The following PAFAH1B1 variants were observed in gnomAD, a reference collection of about 807,000 sequenced individuals.
PAFAH1B1 encodes platelet-activating factor acetylhydrolase IB subunit beta.
Under a neutral mutation model 57.5 loss-of-function variants are expected in PAFAH1B1, and 2 were observed. That is an observed-to-expected ratio of 0.03 (90% CI 0.01 to 0.11). The LOEUF is 0.11. PAFAH1B1 is among the 10% of genes least tolerant of loss of function. The pLI is 1.00. For synonymous variants in PAFAH1B1, 152 were observed against 169.6 expected, an observed-to-expected ratio of 0.90 and a Z score of 0.81; for missense variants, 257 against 512.0, an observed-to-expected ratio of 0.50 and a Z score of 4.81.
At chr17:2,620,050 T>C (rs1159182449) in intron 1 of PAFAH1B1, among the ~76,000 whole-genome samples, 2 of 152,184 alleles carry the variant, frequency 1.3e-5, no homozygotes, top group African/African-American at 4.8e-5. Flanking sequence ...CCTGGCCTCT[T>C]TGTAATATGC....
At chr17:2,656,097 T>C (rs1172875906) in intron 2 of PAFAH1B1, among the ~76,000 whole-genome samples, 1 of 152,074 alleles carries the variant, frequency 6.6e-6, no homozygotes. Context: ...TAATTTTTTT[T>C]GTATTTTTAG....
At chr17:2,661,164 T>TG (rs2069008507) in intron 2 of PAFAH1B1, among the ~76,000 whole-genome samples, 1 of 152,200 alleles carries the variant, frequency 6.6e-6, no homozygotes, top group Admixed American at 6.6e-5. Flanking sequence ...CAGAAACTCT[T>TG]GAGTTTAATT....
intron 1 of PAFAH1B1, among the ~76,000 whole-genome samples, chr17:2,595,927 G>C (rs2068080234): frequency 6.6e-6 from 1 of 152,186 alleles, no homozygotes. Context: ...GAGCCGAGAA[G>C]ACTGGGTGGA....
intron 10 of PAFAH1B1, among the ~76,000 whole-genome samples, chr17:2,680,682 G>T (rs4790355): frequency 0.81 from 123,084 of 152,098 alleles, 52,190 homozygotes; most frequent in East Asian, 0.93. Context: ...TATACTATCA[G>T]ATACTAGAAA....
intron 1 of PAFAH1B1, among the ~76,000 whole-genome samples, chr17:2,608,654 C>T (rs765730344): frequency 2.6e-5 from 4 of 152,102 alleles, no homozygotes; most frequent in African/African-American, 4.8e-5. Flanking sequence ...ACAAATTAAC[C>T]GGATGTGGTG....
chr17:2,630,586 C>T (rs2098241534), intron 1 of PAFAH1B1, among the ~76,000 whole-genome samples: 1 of 152,110 alleles, frequency 6.6e-6, no homozygotes, highest in Non-Finnish European at 1.5e-5. Context: ...GACAGTGTGC[C>T]TAGTGAAGAT....
chr17:2,649,506 G>C (rs1361937429), intron 2 of PAFAH1B1, among the ~76,000 whole-genome samples: 1 of 151,574 alleles, frequency 6.6e-6, no homozygotes, highest in African/African-American at 2.4e-5. Context: ...CCTGGGAGGC[G>C]GGGAGGTTGC....
In PAFAH1B1 at chr17:2,681,748, C is replaced by G; in HGVS notation, c.1179C>G (p.Pro393=). 6.2e-7 allele frequency: 1 copy of G among 1,612,952 alleles called. No homozygotes were observed. The highest frequency in any genetic ancestry group is 8.5e-7 in the Non-Finnish European group (1 of 1,179,694). The change falls in exon 11 of 11, where the codon CCC becomes CCG. Residue 393 remains proline (P), a synonymous_variant. Transcript: ENST00000397195. ...VTSLDFHKTA[P]YVVTGSVDQT... ...TTTCAGATTTCCACAAGACGGCACC[C>G]TATGTCGTCACTGGCAGCGTAGATC...
chr17:2,621,718 C>T (rs1427394644), intron 1 of PAFAH1B1, among the ~76,000 whole-genome samples: 3 of 52 alleles, frequency 0.058, no homozygotes, highest in African/African-American at 0.14. Flanking sequence ...CTCTGCATCC[C>T]AGGTGTTGCC....
intron 8 of PAFAH1B1, among the ~76,000 whole-genome samples, chr17:2,675,752 G>A (rs1388004593): frequency 1.3e-5 from 2 of 151,958 alleles, no homozygotes; most frequent in African/African-American, 4.8e-5. Flanking sequence ...GAGACAGGAA[G>A]ATTGCTTGAT....
In PAFAH1B1 at chr17:2,617,338, T is replaced by C. The variant is rs938586287; in HGVS notation, c.-190-20761T>C. Among the ~76,000 whole-genome samples, 5 of 152,200 alleles carry C rather than the reference T, an allele frequency of 3.3e-5. No homozygotes were observed. In the East Asian group the frequency reaches 7.7e-4, roughly 24 times the overall value. On this transcript the variant is annotated intron_variant, in intron 1 of 10. Coordinates refer to ENST00000397195, the MANE Select transcript of PAFAH1B1 (RefSeq NM_000430.4). ...AGGCTAATCGTAAAATAGGAAACAT[T>C]TTCCTATGTAAATTTTGGATGGGTA...
chr17:2,616,849 G>A (rs762549659), intron 1 of PAFAH1B1, among the ~76,000 whole-genome samples: 7 of 151,804 alleles, frequency 4.6e-5, no homozygotes, highest in African/African-American at 7.3e-5. Flanking sequence ...AGATCACGAG[G>A]TCAAGAGATC....
chr17:2,648,119 C>T (rs1394704305), intron 2 of PAFAH1B1, among the ~76,000 whole-genome samples: 1 of 152,110 alleles, frequency 6.6e-6, no homozygotes, highest in Admixed American at 6.6e-5. Context: ...ACACGTCGTC[C>T]TTCACATAGT....
chr17:2,665,066 G>A (rs2069087492), intron 2 of PAFAH1B1, among the ~76,000 whole-genome samples: 1 of 152,060 alleles, frequency 6.6e-6, no homozygotes, highest in African/African-American at 2.4e-5. Flanking sequence ...GATCTATAGA[G>A]TGCCTACAGC....
intron 9 of PAFAH1B1, among the ~76,000 whole-genome samples, chr17:2,677,126 C>G (rs1453113503): frequency 1.3e-5 from 2 of 152,170 alleles, no homozygotes; most frequent in African/African-American, 4.8e-5. Flanking sequence ...GCACTCCAGC[C>G]TGGGCGACAG....
chr17:2,611,053 T>C (rs2068261502), intron 1 of PAFAH1B1, among the ~76,000 whole-genome samples: 1 of 152,222 alleles, frequency 6.6e-6, no homozygotes, highest in African/African-American at 2.4e-5. Context: ...TGACTGTACA[T>C]TAAAATTCTT....
Position 2,666,073 on chromosome 17 carries a change from AT to A in PAFAH1B1, c.177del (p.Arg60AspfsTer9), listed in dbSNP as rs1555526309. 6.6e-7 allele frequency: 1 copy of A among 1,514,196 alleles called. No individual in the cohort carries two copies. The highest frequency in any genetic ancestry group is 9.1e-7 in the Non-Finnish European group (1 of 1,104,964). The allele number at this position is 1,514,196 out of a possible 1,614,324, so 93.8% of individuals were successfully genotyped here. ...TTTGGAAAAAAAATGGACATCTGTT[AT>A]TAGATTACAAAAGAAGGTAACTAAG... ...GLLEKKWTSV[I>X]RLQKKVMELE... On this transcript the variant is annotated frameshift_variant, in exon 4 of 11. Transcript: ENST00000397195. LOFTEE classifies it high-confidence loss of function.
chr17:2,675,653 C>T (rs1197372226), intron 8 of PAFAH1B1, among the ~76,000 whole-genome samples: 4 of 146,016 alleles, frequency 2.7e-5, no homozygotes, highest in African/African-American at 7.5e-5. Context: ...TTTTTTTAAA[C>T]TCACCACTAT....
rs886052718 is a variant in PAFAH1B1, at chr17:2,682,608, G to A, written c.*806G>A. 2.0e-5 allele frequency: 3 copies of A among 152,640 alleles called. No individual in the cohort carries two copies. Among genetic ancestry groups the A allele is most frequent in the Non-Finnish European group, 2.9e-5 (2 of 68,054 alleles). The allele number at this position is 152,640 out of a possible 1,614,324, so 9.5% of individuals were successfully genotyped here. Reference sequence around the variant, plus strand: ...ATTCTCCATACTATTAGACTGTGTAGTGATGTGACTTCCAAGTAGAATTTA... The same window carrying A: ...ATTCTCCATACTATTAGACTGTGTAATGATGTGACTTCCAAGTAGAATTTA... On this transcript the variant is annotated 3_prime_UTR_variant, in exon 11 of 11. Transcript: ENST00000397195.
Sources: allele counts gnomAD v4.1 joint callset (sites outside exome capture counted in the v4.1 genomes callset), GRCh38; gene constraint gnomAD v4.1.1; transcripts MANE v1.5; gene names NCBI Gene and HGNC (gene_info 2026-07-23, HGNC 2026-07-21).